Variants in PCSK2 observed in about 807,000 individuals in gnomAD.
PCSK2 encodes proprotein convertase subtilisin/kexin type 2, also known as neuroendocrine convertase 2.
In PCSK2, 14 loss-of-function variants were observed where a neutral mutation model predicts 69.7. The ratio of observed to expected loss-of-function variants is 0.20; its 90% CI spans 0.13 to 0.31. The LOEUF (loss-of-function observed/expected upper bound fraction) is 0.31, where lower values mean the gene tolerates loss of function less well. PCSK2 is among the 10% of genes least tolerant of loss of function. The pLI is 1.00. For missense variants in PCSK2, 544 were observed against 842.5 expected, an observed-to-expected ratio of 0.65 and a Z score of 4.39; for synonymous variants, 307 against 320.7, an observed-to-expected ratio of 0.96 and a Z score of 0.46.
At chr20:17,409,695 C>T (rs2031828373) in intron 6 of PCSK2, among the ~76,000 whole-genome samples, 2 of 152,234 alleles carry the variant, frequency 1.3e-5, no homozygotes, top group Non-Finnish European at 2.9e-5. Flanking sequence ...AGTATTTTGC[C>T]CCATGGGTCT....
chr20:17,364,776 A>G (rs6044758), intron 4 of PCSK2, among the ~76,000 whole-genome samples: 35,924 of 152,016 alleles, frequency 0.24, 4,398 homozygotes, highest in Middle Eastern at 0.31. Flanking sequence ...CTGGCTGGGC[A>G]CTGCTCACTC....
rs1229684276 is a variant in PCSK2 at position 17,453,813 on chromosome 20, C to T, written c.957C>T (p.Cys319=). Residue 319 remains cysteine, a synonymous_variant, in exon 9 of 12, where the codon TGC becomes TGT. Coordinates refer to ENST00000262545, the MANE Select transcript of PCSK2 (RefSeq NM_002594.5). The surrounding 1 kb of genome is among the most constrained non-coding windows in gnomAD (Gnocchi z 4.0). ...GCGGCAGCTATGACGACTGCAACTG[C>T]GACGGCTACGCCTCCAGCATGTGGA... The part of the protein sequence containing the change: ...GDGGSYDDCN[C]DGYASSMWTI... 2.5e-6 allele frequency: 4 copies of T among 1,614,038 alleles called. No individual in the cohort carries two copies. The highest frequency in any genetic ancestry group is 3.3e-5 in the Admixed American group (2 of 60,010).
At chr20:17,383,705 G>A (rs16999059) in intron 5 of PCSK2, among the ~76,000 whole-genome samples, 8,143 of 152,226 alleles carry the variant, frequency 0.053, 305 homozygotes, top group African/African-American at 0.1. Flanking sequence ...TAACTAATGA[G>A]CTATGCTTAT....
At chr20:17,411,710 C>T (rs2031877825) in intron 6 of PCSK2, among the ~76,000 whole-genome samples, 1 of 152,260 alleles carries the variant, frequency 6.6e-6, no homozygotes, top group East Asian at 1.9e-4. Flanking sequence ...CAGACTGCCT[C>T]CTCAAGTGGG....
intron 2 of PCSK2, among the ~76,000 whole-genome samples, chr20:17,267,213 A>G (rs1392868057): frequency 6.6e-6 from 1 of 152,192 alleles, no homozygotes; most frequent in East Asian, 1.9e-4. Context: ...TTGAACACAA[A>G]TAGTGAAGCC....
intron 2 of PCSK2, among the ~76,000 whole-genome samples, chr20:17,327,633 G>A (rs1990101003): frequency 6.6e-6 from 1 of 152,174 alleles, no homozygotes; most frequent in African/African-American, 2.4e-5. Context: ...CCCATAGACA[G>A]TGCACCCTCC....
intron 5 of PCSK2, among the ~76,000 whole-genome samples, chr20:17,394,777 G>A (rs6080675): frequency 0.026 from 3,974 of 152,272 alleles, 73 homozygotes; most frequent in Non-Finnish European, 0.038. Flanking sequence ...ACTTAATAAG[G>A]TATGTGCCCA....
At chr20:17,406,798 A>G (rs1372053466) in intron 5 of PCSK2, among the ~76,000 whole-genome samples, 2 of 152,214 alleles carry the variant, frequency 1.3e-5, no homozygotes, top group Non-Finnish European at 2.9e-5. Flanking sequence ...TCCCTCTGCC[A>G]GCCTGGTAGA....
At chr20:17,478,217 T>G (rs1047409244) in intron 11 of PCSK2, among the ~76,000 whole-genome samples, 69 of 152,352 alleles carry the variant, frequency 4.5e-4, no homozygotes, top group Middle Eastern at 3.4e-3. Flanking sequence ...TCCTCCCGTG[T>G]AAAACAACTG....
At chr20:17,413,388 C>A (rs918880247) in intron 6 of PCSK2, among the ~76,000 whole-genome samples, 7 of 152,132 alleles carry the variant, frequency 4.6e-5, no homozygotes, top group African/African-American at 1.7e-4. Context: ...CAATTCTAGT[C>A]TCTGATAAAA....
intron 2 of PCSK2, among the ~76,000 whole-genome samples, chr20:17,321,588 A>G (rs1487941240): frequency 6.6e-6 from 1 of 152,244 alleles, no homozygotes; most frequent in East Asian, 1.9e-4. Context: ...TTCAATGTGA[A>G]GAGCATCATG....
intron 5 of PCSK2, among the ~76,000 whole-genome samples, chr20:17,400,874 C>T (rs1047635902): frequency 2.0e-5 from 3 of 152,202 alleles, no homozygotes; most frequent in Non-Finnish European, 4.4e-5. Flanking sequence ...AGTTTTGCAT[C>T]ATATGGGTGC....
At chr20:17,295,543 AT>A (rs1273663555) in intron 2 of PCSK2, among the ~76,000 whole-genome samples, 2 of 145,348 alleles carry the variant, frequency 1.4e-5, no homozygotes, top group East Asian at 2.0e-4. Flanking sequence ...ATTTATTTAT[AT>A]TATATATATT....
intron 2 of PCSK2, among the ~76,000 whole-genome samples, chr20:17,304,045 T>C (rs1352061047): frequency 6.6e-6 from 1 of 151,388 alleles, no homozygotes; most frequent in Non-Finnish European, 1.5e-5. Context: ...AATTCATGAT[T>C]ATCCAACTGG....
intron 4 of PCSK2, among the ~76,000 whole-genome samples, chr20:17,361,221 G>A (rs908953917): frequency 6.6e-6 from 1 of 152,192 alleles, no homozygotes; most frequent in East Asian, 1.9e-4. Flanking sequence ...CAGGATTGGA[G>A]CTTGGGGAAA....
chr20:17,366,606 T>C (rs551561972), intron 4 of PCSK2, among the ~76,000 whole-genome samples: 1 of 152,330 alleles, frequency 6.6e-6, no homozygotes, highest in Admixed American at 6.5e-5. Flanking sequence ...CCTTAAAAGA[T>C]AATCAAATAT....
intron 2 of PCSK2, among the ~76,000 whole-genome samples, chr20:17,278,746 A>C (rs1555784302): frequency 6.6e-6 from 1 of 152,040 alleles, no homozygotes; most frequent in Non-Finnish European, 1.5e-5. Flanking sequence ...TAGATAAATA[A>C]TAATGGCCCT....
At chr20:17,277,548 C>T (rs974987786) in intron 2 of PCSK2, among the ~76,000 whole-genome samples, 8 of 152,106 alleles carry the variant, frequency 5.3e-5, no homozygotes, top group Non-Finnish European at 1.2e-4. Context: ...CCCCTCCTTA[C>T]ACCTTATACA....
intron 5 of PCSK2, among the ~76,000 whole-genome samples, chr20:17,375,578 A>G (rs1205580396): frequency 6.6e-6 from 1 of 152,212 alleles, no homozygotes; most frequent in East Asian, 1.9e-4. Flanking sequence ...CAAAGGGATT[A>G]TAAGGTAGCA....
Sources: gnomAD v4.1 joint callset for allele counts (sites outside exome capture counted in the v4.1 genomes callset) on GRCh38, gnomAD v4.1.1 for gene constraint, Gnocchi (gnomAD v3.1) non-coding constraint, MANE v1.5 for transcripts, NCBI Gene and HGNC (gene_info 2026-07-23, HGNC 2026-07-21) for gene names.